ADAMTS12: variants seen among roughly 807,000 people sequenced by gnomAD.
The protein encoded by ADAMTS12 is A disintegrin and metalloproteinase with thrombospondin motifs 12.
Under a neutral mutation model 167.8 loss-of-function variants are expected in ADAMTS12, and 118 were observed. The ratio of observed to expected loss-of-function variants is 0.70; its 90% confidence interval spans 0.61 to 0.82. The LOEUF is 0.82. Among genes scored for constraint, ADAMTS12 ranks in the 40% least tolerant of loss-of-function variants. The probability of loss-of-function intolerance (pLI) is 0.00; values close to 1 mark genes in which losing one functional copy is unlikely to be tolerated. For missense variants in ADAMTS12, 1,916 were observed against 1,998.8 expected, an observed-to-expected ratio of 0.96 and a Z score of 0.79; for synonymous variants, 704 against 716.9, an observed-to-expected ratio of 0.98 and a Z score of 0.29.
intron 14 of ADAMTS12, among the ~76,000 whole-genome samples, chr5:33,618,606 C>A (rs563332067): frequency 4.6e-5 from 7 of 152,136 alleles, no homozygotes; most frequent in Non-Finnish European, 8.8e-5. Flanking sequence ...CTGGGACAGT[C>A]GTCTGGTCCT....
chr5:33,660,305 T>C (rs1317587208), intron 6 of ADAMTS12, among the ~76,000 whole-genome samples: 2 of 152,198 alleles, frequency 1.3e-5, no homozygotes, highest in Non-Finnish European at 1.5e-5. Context: ...TAAGTCCCAA[T>C]TGTACCCGTT....
intron 2 of ADAMTS12, among the ~76,000 whole-genome samples, chr5:33,774,625 T>C (rs912814159): frequency 3.0e-4 from 45 of 149,616 alleles, no homozygotes; most frequent in Non-Finnish European, 1.3e-4. Context: ...CATAGAAGAT[T>C]GAAAAGTTGA....
intron 2 of ADAMTS12, among the ~76,000 whole-genome samples, chr5:33,783,716 A>T (rs1295008264): frequency 1.3e-5 from 2 of 151,396 alleles, no homozygotes; most frequent in African/African-American, 4.9e-5. Flanking sequence ...ATCAGTAATT[A>T]AAAAATCTTA....
intron 2 of ADAMTS12, among the ~76,000 whole-genome samples, chr5:33,805,167 G>A (rs1203837509): frequency 1.3e-5 from 2 of 152,096 alleles, no homozygotes. Flanking sequence ...GCCCTGGGGT[G>A]GTTAGCTAGC....
At chr5:33,648,707 A>G in intron 9 of ADAMTS12, 115 bp downstream of exon 9, 2 of 1,330,080 alleles carry the variant, frequency 1.5e-6, no homozygotes, top group Non-Finnish European at 2.1e-6. Context: ...CCTTAAATAT[A>G]AAGCTTCTAT....
intron 3 of ADAMTS12, among the ~76,000 whole-genome samples, chr5:33,713,322 G>A (rs1405526245): frequency 6.6e-6 from 1 of 152,092 alleles, no homozygotes; most frequent in Non-Finnish European, 1.5e-5. Context: ...AAGTTCTAGG[G>A]AGCAAAAACA....
intron 2 of ADAMTS12, among the ~76,000 whole-genome samples, chr5:33,858,229 G>A (rs1439391998): frequency 6.6e-6 from 1 of 151,542 alleles, no homozygotes; most frequent in African/African-American, 2.4e-5. Flanking sequence ...AATAATCCAT[G>A]GGTCAAAGAA....
At chr5:33,639,235 A>T (rs183397131) in intron 11 of ADAMTS12, among the ~76,000 whole-genome samples, 2 of 152,218 alleles carry the variant, frequency 1.3e-5, no homozygotes, top group Non-Finnish European at 2.9e-5. Context: ...GTGAATAATA[A>T]TCAACCAGCA....
chr5:33,609,325 T>C (rs1295850760), intron 16 of ADAMTS12, among the ~76,000 whole-genome samples: 1 of 151,858 alleles, frequency 6.6e-6, no homozygotes, highest in Non-Finnish European at 1.5e-5. Context: ...AAGCACAAAC[T>C]TTAAAGGGAA....
chr5:33,624,079 T>C (rs1739462466), intron 14 of ADAMTS12, 152 bp downstream of exon 14: 4 of 1,208,416 alleles, frequency 3.3e-6, no homozygotes, highest in Non-Finnish European at 4.6e-6. Context: ...GAACCCTTCC[T>C]CCTTTGTGGT....
chr5:33,583,505 A>G (rs1284791807), intron 18 of ADAMTS12, among the ~76,000 whole-genome samples: 3 of 152,076 alleles, frequency 2.0e-5, no homozygotes, highest in Non-Finnish European at 2.9e-5. Context: ...TTTGGTATAT[A>G]CCCAGCAGTG....
At chr5:33,825,181 C>T (rs1233893803) in intron 2 of ADAMTS12, among the ~76,000 whole-genome samples, 1 of 152,198 alleles carries the variant, frequency 6.6e-6, no homozygotes, top group Non-Finnish European at 1.5e-5. Context: ...ATCATTTCTG[C>T]TCTGCAAAGA....
At chr5:33,689,475 G>A (rs1742473521) in intron 3 of ADAMTS12, among the ~76,000 whole-genome samples, 1 of 151,926 alleles carries the variant, frequency 6.6e-6, no homozygotes, top group Non-Finnish European at 1.5e-5. Flanking sequence ...TAGTCCTCCA[G>A]GTCCCCACCA....
intron 19 of ADAMTS12, among the ~76,000 whole-genome samples, chr5:33,572,018 G>A (rs1030015322): frequency 7.2e-5 from 11 of 152,152 alleles, no homozygotes; most frequent in Middle Eastern, 3.4e-3. Flanking sequence ...TAAATTCCTC[G>A]ACACATACAC....
At chr5:33,665,539 T>A (rs1561202739) in intron 5 of ADAMTS12, among the ~76,000 whole-genome samples, 1 of 151,882 alleles carries the variant, frequency 6.6e-6, no homozygotes, top group Admixed American at 6.6e-5. Context: ...TTAAAATGTA[T>A]AAGAGAGAAA....
rs375250179 is a variant in ADAMTS12 at position 33,576,338 on chromosome 5, C to T, written c.3688G>A (p.Glu1230Lys). ...LLPSQRPTTS[E>K]TGTPRVEGMV... ...CCCTCAACTCTGGGTGTCCCAGTTTCGGAAGTAGTGGGCCTTTGGCTGGGG... is the reference window on the plus strand; with the variant it reads ...CCCTCAACTCTGGGTGTCCCAGTTTTGGAAGTAGTGGGCCTTTGGCTGGGG... The change falls in exon 19 of 24, where the codon GAA (glutamate) becomes AAA (lysine). Residue 1230 changes from glutamate (E) to lysine (K), a missense_variant. Physicochemically the swap from Glu to Lys is moderately conservative, Grantham distance 56. Coordinates refer to ENST00000504830, the MANE Select transcript of ADAMTS12 (RefSeq NM_030955.4). 7.3e-5 allele frequency: 118 copies of T among 1,614,166 alleles called. No homozygotes were observed. Among genetic ancestry groups the T allele is most frequent in the East Asian group, 2.0e-4 (9 of 44,884 alleles).
At chr5:33,663,869 A>T (rs1473879200) in intron 5 of ADAMTS12, among the ~76,000 whole-genome samples, 1 of 152,232 alleles carries the variant, frequency 6.6e-6, no homozygotes, top group Non-Finnish European at 1.5e-5. Flanking sequence ...CATTAATTTA[A>T]CATTACCATT....
chr5:33,642,000 C>G, intron 10 of ADAMTS12, 45 bp from the exon 11 acceptor site: 1 of 1,558,038 alleles, frequency 6.4e-7, no homozygotes, highest in Non-Finnish European at 8.7e-7. Flanking sequence ...GGAAGGTTAC[C>G]AGAGCAAGCT....
At chr5:33,603,387 G>A (rs1738281382) in intron 16 of ADAMTS12, 1 of 152,194 alleles carries the variant, frequency 6.6e-6, no homozygotes, top group Admixed American at 6.6e-5. Flanking sequence ...TCTATTGGCT[G>A]AACTTTCATT....
Sources: allele counts gnomAD v4.1 joint callset (sites outside exome capture counted in the v4.1 genomes callset), GRCh38; gene constraint gnomAD v4.1.1; transcripts MANE v1.5; gene names NCBI Gene and HGNC (gene_info 2026-07-23, HGNC 2026-07-21).